Variants in PRDM16 observed in about 807,000 individuals in gnomAD.
PRDM16 encodes histone-lysine N-methyltransferase PRDM16.
In PRDM16, 23 loss-of-function variants were observed where a neutral mutation model predicts 110.6. That is an observed-to-expected ratio of 0.21 (90% CI 0.15 to 0.29). PRDM16 has a LOEUF of 0.29. Among genes scored for constraint, PRDM16 ranks in the 10% least tolerant of loss-of-function variants. The probability of loss-of-function intolerance (pLI) is 1.00; values close to 1 mark genes in which losing one functional copy is unlikely to be tolerated. For missense variants in PRDM16, 1,615 were observed against 1,794.3 expected (o/e 0.90, Z 1.81); for synonymous variants, 799 against 781.8 (o/e 1.02, Z -0.37).
chr1:3,227,070 G>T (rs911442189), intron 2 of PRDM16, among the ~76,000 whole-genome samples: 2 of 152,254 alleles, frequency 1.3e-5, no homozygotes, highest in African/African-American at 4.8e-5. Flanking sequence ...TGAATAATCA[G>T]CCGTTGTCAC....
intron 1 of PRDM16, among the ~76,000 whole-genome samples, chr1:3,132,012 C>G (rs1233292695): frequency 1.3e-5 from 2 of 152,018 alleles, no homozygotes; most frequent in African/African-American, 2.4e-5. Context: ...TTTAAAAAAC[C>G]CAATTACTGC....
At chr1:3,135,151 G>A (rs1387643555) in intron 1 of PRDM16, among the ~76,000 whole-genome samples, 1 of 152,214 alleles carries the variant, frequency 6.6e-6, no homozygotes, top group African/African-American at 2.4e-5. Context: ...GAAACAGCAA[G>A]GCAGCTCCAA....
intron 10 of PRDM16, among the ~76,000 whole-genome samples, chr1:3,416,748 C>T (rs996327396): frequency 1.3e-5 from 2 of 152,222 alleles, no homozygotes; most frequent in African/African-American, 4.8e-5. Context: ...GGCATTGGGC[C>T]CTGGGAGCAC....
intron 3 of PRDM16, among the ~76,000 whole-genome samples, chr1:3,354,044 C>T (rs1370333767): frequency 6.6e-6 from 1 of 152,228 alleles, no homozygotes; most frequent in Non-Finnish European, 1.5e-5. Flanking sequence ...GAACCGGGTC[C>T]TGGTCCAGGC....
chr1:3,348,192 C>T (rs1376606389), intron 3 of PRDM16, among the ~76,000 whole-genome samples: 1 of 152,180 alleles, frequency 6.6e-6, no homozygotes, highest in Non-Finnish European at 1.5e-5. Context: ...GCCCTCTGGG[C>T]CCCTGAACAG....
chr1:3,331,638 C>T (rs1254260215), intron 3 of PRDM16, among the ~76,000 whole-genome samples: 1 of 152,176 alleles, frequency 6.6e-6, no homozygotes, highest in Non-Finnish European at 1.5e-5. Flanking sequence ...ATTTGCTGCC[C>T]AGAGGAATCC....
chr1:3,347,703 G>A (rs1642390589), intron 3 of PRDM16, among the ~76,000 whole-genome samples: 3 of 152,228 alleles, frequency 2.0e-5, no homozygotes, highest in African/African-American at 7.2e-5. Flanking sequence ...GAATGGGCAG[G>A]TTCCGGGCTA....
In PRDM16 at chr1:3,213,735, G is replaced by A. The variant is rs567864900; in HGVS notation, c.387+27261G>A. 1.3e-5 allele frequency among the ~76,000 whole-genome samples: 2 copies of A among 152,184 alleles called. No individual in the cohort carries two copies. Among genetic ancestry groups the A allele is most frequent in the South Asian group, 4.2e-4 (2 of 4,812 alleles). On this transcript the variant is annotated intron_variant, in intron 2 of 16. Transcript: ENST00000270722. The surrounding 1 kb of genome is among the most constrained non-coding windows in gnomAD (Gnocchi z 5.3). ...GGAGGTTCTGCTCTCCCCAGGCAAG[G>A]AAGCGGGGTTTCCGGGACACCACGT...
chr1:3,225,585 G>A (rs1298611779), intron 2 of PRDM16, among the ~76,000 whole-genome samples: 1 of 144,164 alleles, frequency 6.9e-6, no homozygotes, highest in African/African-American at 2.9e-5. Context: ...CGCGCGCGCA[G>A]AAGGAAGGAA....
intron 1 of PRDM16, among the ~76,000 whole-genome samples, chr1:3,072,823 C>T (rs1387522456): frequency 1.3e-5 from 2 of 152,250 alleles, no homozygotes; most frequent in Admixed American, 1.3e-4. Flanking sequence ...GGGTGGAGTG[C>T]GGGGCTGGCC....
At chr1:3,199,493 C>A (rs1190421118) in intron 2 of PRDM16, among the ~76,000 whole-genome samples, 1 of 152,166 alleles carries the variant, frequency 6.6e-6, no homozygotes, top group East Asian at 1.9e-4. Flanking sequence ...CTGCCCACCC[C>A]AGGAACAAGA....
chr1:3,081,881 C>G lies in PRDM16; in HGVS notation c.37+12585C>G, dbSNP rs1208611164. ...GCAAGACCCTGCCATCCCTAGCTCC[C>G]CTCACAGACCCAGAGGCAGAGGCCT... On this transcript the variant is annotated intron_variant, in intron 1 of 16. Transcript: ENST00000270722. The surrounding 1 kb of genome is among the most constrained non-coding windows in gnomAD (Gnocchi z 4.6). Among the ~76,000 whole-genome samples, 1 of 152,200 alleles carries G rather than the reference C, an allele frequency of 6.6e-6. No homozygotes were observed. The highest frequency in any genetic ancestry group is 2.4e-5 in the African/African-American group (1 of 41,462).
At chr1:3,166,129 C>T in intron 1 of PRDM16, among the ~76,000 whole-genome samples, 1 of 152,252 alleles carries the variant, frequency 6.6e-6, no homozygotes, top group East Asian at 1.9e-4. Context: ...ACCTTGCTTT[C>T]CGTTTGGCTG....
In PRDM16 at chr1:3,120,551, A is replaced by G. The variant is rs553550335; in HGVS notation, c.37+51255A>G. Among the ~76,000 whole-genome samples the G allele has an allele frequency of 3.5e-3, 537 of 152,194 alleles. 3 individuals are homozygous for G. The highest frequency in any genetic ancestry group is 0.034 in the Middle Eastern group (10 of 294). ...TGCCACCATCCCCGCAAAGCTGGAG[A>G]AAGAGAAACCCAGGCAGCCAGAAAG... On this transcript the variant is annotated intron_variant, in intron 1 of 16. Transcript: ENST00000270722.
chr1:3,194,736 C>T (rs1266819487), intron 2 of PRDM16, among the ~76,000 whole-genome samples: 1 of 151,974 alleles, frequency 6.6e-6, no homozygotes, highest in South Asian at 2.1e-4. Flanking sequence ...CCACACGCCA[C>T]CGTCTGATCG....
chr1:3,088,591 G>A (rs1642203489), intron 1 of PRDM16, among the ~76,000 whole-genome samples: 2 of 150,644 alleles, frequency 1.3e-5, no homozygotes, highest in Non-Finnish European at 3.0e-5. Flanking sequence ...TCAGCCTCCC[G>A]AGTAGCTGGG....
intron 3 of PRDM16, among the ~76,000 whole-genome samples, chr1:3,268,533 C>T (rs372398518): frequency 1.3e-5 from 2 of 152,172 alleles, no homozygotes; most frequent in East Asian, 3.9e-4. Flanking sequence ...CAGTGGGCAG[C>T]CTGGCAGGCC....
intron 4 of PRDM16, among the ~76,000 whole-genome samples, chr1:3,389,965 C>T (rs974979851): frequency 7.8e-6 from 1 of 128,670 alleles, no homozygotes; most frequent in Non-Finnish European, 1.7e-5. Context: ...CCCCCCCCCC[C>T]ACCCTCTGGC....
chr1:3,249,494 G>A (rs1485839311), intron 3 of PRDM16, among the ~76,000 whole-genome samples: 9 of 152,074 alleles, frequency 5.9e-5, no homozygotes, highest in East Asian at 3.9e-4. Flanking sequence ...AGATCCCGCC[G>A]GAGTGCCGTC....
Sources: allele counts gnomAD v4.1 joint callset (sites outside exome capture counted in the v4.1 genomes callset), GRCh38; gene constraint gnomAD v4.1.1; non-coding constraint Gnocchi (gnomAD v3.1); transcripts MANE v1.5; gene names NCBI Gene and HGNC (gene_info 2026-07-23, HGNC 2026-07-21).